PDGFC: variants seen among roughly 807,000 people sequenced by gnomAD.
PDGFC encodes platelet derived growth factor C, also known as platelet-derived growth factor C.
Under a neutral mutation model 35.5 loss-of-function variants are expected in PDGFC, and 12 were observed. The observed-to-expected ratio is 0.34, with a 90% confidence interval of 0.22 to 0.55. PDGFC has a LOEUF of 0.55. Ranked by LOEUF, PDGFC falls within the 20% of genes least tolerant of loss-of-function variation. PDGFC has a pLI of 0.91. For synonymous variants in PDGFC, 159 were observed against 148.8 expected (o/e 1.07, Z -0.50); for missense variants, 322 against 412.4 (o/e 0.78, Z 1.90).
rs1483993315 is a variant in PDGFC at position 156,762,375 on chromosome 4, T to A, written c.*715A>T. 3 of 152,568 alleles carry A rather than the reference T, an allele frequency of 2.0e-5. No individual in the cohort carries two copies. Among genetic ancestry groups the A allele is most frequent in the African/African-American group, 7.2e-5 (3 of 41,444 alleles). 9.5% of individuals were successfully genotyped at this position (152,568 alleles called of 1,614,324 possible). ...ATGTCAAAAGGAGAATATAAAAATG[T>A]ACACAATGAAACAAATAAACTGACT... On this transcript the variant is annotated 3_prime_UTR_variant, in exon 6 of 6. Transcript: ENST00000502773.
chr4:156,966,397 T>G (rs1732467397), intron 1 of PDGFC, among the ~76,000 whole-genome samples: 1 of 152,178 alleles, frequency 6.6e-6, no homozygotes, highest in African/African-American at 2.4e-5. Flanking sequence ...TTCTACCATT[T>G]TGGTTGATAC....
At chr4:156,902,801 G>C (rs1408987652) in intron 1 of PDGFC, among the ~76,000 whole-genome samples, 1 of 152,102 alleles carries the variant, frequency 6.6e-6, no homozygotes, top group East Asian at 1.9e-4. Context: ...TGGTTCATTT[G>C]ATTGCTCTGC....
chr4:156,957,074 T>C (rs561017038), intron 1 of PDGFC, among the ~76,000 whole-genome samples: 23 of 152,044 alleles, frequency 1.5e-4, no homozygotes, highest in Non-Finnish European at 3.1e-4. Context: ...CCTACTTCCC[T>C]ACCAAATAAG....
chr4:156,860,245 T>C (rs1314183415), intron 1 of PDGFC, among the ~76,000 whole-genome samples: 5 of 152,138 alleles, frequency 3.3e-5, no homozygotes, highest in South Asian at 2.1e-4. Context: ...AGGGCCAACT[T>C]TGAAGAGTTA....
Position 156,872,033 on chromosome 4 carries a change from AAAC to A in PDGFC, c.119-21620_119-21618del, listed in dbSNP as rs199637491. 1.2e-3 allele frequency among the ~76,000 whole-genome samples: 184 copies of A among 152,276 alleles called. 4 individuals are homozygous for A. In the East Asian group the frequency reaches 0.027, roughly 23 times the overall value. On this transcript the variant is annotated intron_variant, in intron 1 of 5. Coordinates refer to ENST00000502773, the MANE Select transcript of PDGFC (RefSeq NM_016205.3). ...AAAACAAATTAATAAACTAAAGAGC[AAAC>A]AACAACAACAAAAGAAAACCTCTTA...
chr4:156,840,951 C>T (rs1037889803), intron 2 of PDGFC, among the ~76,000 whole-genome samples: 2 of 152,140 alleles, frequency 1.3e-5, no homozygotes, highest in African/African-American at 4.8e-5. Flanking sequence ...TAATCAATGC[C>T]TGTACCCCCA....
At chr4:156,947,410 T>A (rs1315566277) in intron 1 of PDGFC, among the ~76,000 whole-genome samples, 1 of 152,046 alleles carries the variant, frequency 6.6e-6, no homozygotes, top group Non-Finnish European at 1.5e-5. Flanking sequence ...TCAGGGGTTC[T>A]AGACTCTGCA....
At chr4:156,815,135 T>C (rs1230161792) in intron 2 of PDGFC, among the ~76,000 whole-genome samples, 1 of 152,122 alleles carries the variant, frequency 6.6e-6, no homozygotes, top group Non-Finnish European at 1.5e-5. Context: ...TATAAAACAG[T>C]AGAACTTAGC....
intron 1 of PDGFC, among the ~76,000 whole-genome samples, chr4:156,923,844 G>A (rs1731345415): frequency 6.6e-6 from 1 of 152,104 alleles, no homozygotes; most frequent in African/African-American, 2.4e-5. Context: ...TTGCACTTAT[G>A]CAGCTCATAG....
intron 3 of PDGFC, among the ~76,000 whole-genome samples, chr4:156,805,609 A>G (rs1731735773): frequency 6.6e-6 from 1 of 152,086 alleles, no homozygotes; most frequent in Admixed American, 6.6e-5. Context: ...CCTAGGAAAG[A>G]AAGTGAATTA....
Position 156,850,621 on chromosome 4 carries a change from C to T in PDGFC, c.119-205G>A, listed in dbSNP as rs545554891. 6.6e-5 allele frequency among the ~76,000 whole-genome samples: 10 copies of T among 152,172 alleles called. No individual in the cohort carries two copies. In the East Asian group the frequency reaches 1.9e-3, roughly 29 times the overall value. ...AATAAAAACCTGTTTCATATTTATA[C>T]TTGAAGGAACATAGCAAATTACTCT... On this transcript the variant is annotated intron_variant, in intron 1 of 5. Transcript: ENST00000502773.
intron 1 of PDGFC, among the ~76,000 whole-genome samples, chr4:156,910,041 G>T (rs1280800070): frequency 6.6e-6 from 1 of 152,094 alleles, no homozygotes; most frequent in East Asian, 1.9e-4. Context: ...AGACAGTCAT[G>T]AACAAATTTT....
intron 1 of PDGFC, among the ~76,000 whole-genome samples, chr4:156,872,183 T>C (rs984489849): frequency 3.3e-5 from 5 of 152,170 alleles, no homozygotes; most frequent in African/African-American, 9.7e-5. Context: ...TTTAGTGTGC[T>C]TGCCATTTAA....
chr4:156,956,681 T>G (rs1732220978), intron 1 of PDGFC, among the ~76,000 whole-genome samples: 1 of 152,030 alleles, frequency 6.6e-6, no homozygotes, highest in Non-Finnish European at 1.5e-5. Flanking sequence ...GTAAAGATAA[T>G]TATTTTACCT....
intron 2 of PDGFC, among the ~76,000 whole-genome samples, 174 bp downstream of exon 2, chr4:156,850,047 C>T (rs956920956): frequency 4.6e-5 from 7 of 151,790 alleles, no homozygotes; most frequent in African/African-American, 1.5e-4. Flanking sequence ...ATGTGTCTTC[C>T]GATTTTAAAT....
chr4:156,915,656 G>A (rs1460591403), intron 1 of PDGFC, among the ~76,000 whole-genome samples: 1 of 152,086 alleles, frequency 6.6e-6, no homozygotes, highest in African/African-American at 2.4e-5. Context: ...AGCTGGGAGT[G>A]GTGGTGCGTG....
intron 2 of PDGFC, among the ~76,000 whole-genome samples, chr4:156,836,876 T>A (rs1026324331): frequency 4.6e-5 from 7 of 152,128 alleles, no homozygotes; most frequent in Non-Finnish European, 8.8e-5. Context: ...TGAAAAACAA[T>A]CAATCAGTCA....
rs553149958 is a variant in PDGFC, at chr4:156,768,303, G to A, written c.704-313C>T. Among the ~76,000 whole-genome samples the A allele has an allele frequency of 4.0e-4, 52 of 129,328 alleles. No homozygotes were observed. In the East Asian group the frequency reaches 5.7e-3, roughly 14 times the overall value. 84.8% of individuals were successfully genotyped at this position (129,328 alleles called of 152,430 possible). On this transcript the variant is annotated intron_variant, in intron 4 of 5. Transcript: ENST00000502773. ...TTTATACAGACAAAAAAGGCCACAC[G>A]TTTTAACCTTAGTAAAAAAAAAAAA...
intron 3 of PDGFC, among the ~76,000 whole-genome samples, chr4:156,784,566 A>C (rs2110858706): frequency 6.6e-6 from 1 of 152,282 alleles, no homozygotes; most frequent in Non-Finnish European, 1.5e-5. Context: ...TTTTTCATTA[A>C]GTTTGGCAGG....
Sources: allele counts gnomAD v4.1 joint callset (sites outside exome capture counted in the v4.1 genomes callset), GRCh38; gene constraint gnomAD v4.1.1; transcripts MANE v1.5; gene names NCBI Gene and HGNC (gene_info 2026-07-23, HGNC 2026-07-21).